Variants in PRKN observed in about 807,000 individuals in gnomAD.
PRKN encodes the protein parkin RBR E3 ubiquitin protein ligase.
In PRKN, 56 loss-of-function variants were observed where a neutral mutation model predicts 59.5. That is an observed-to-expected ratio of 0.94 (90% confidence interval 0.76 to 1.18). The LOEUF (loss-of-function observed/expected upper bound fraction) is 1.18, where lower values mean the gene tolerates loss of function less well. Among genes scored for constraint, PRKN ranks in the 50% most tolerant of loss-of-function variants. The pLI is 0.00. For missense variants in PRKN, 657 were observed against 596.4 expected, an observed-to-expected ratio of 1.10 and a Z score of -1.06; for synonymous variants, 250 against 222.1, an observed-to-expected ratio of 1.13 and a Z score of -1.12.
At chr6:162,499,097 G>A (rs1285004815) in intron 1 of PRKN, among the ~76,000 whole-genome samples, 1 of 152,120 alleles carries the variant, frequency 6.6e-6, no homozygotes, top group Non-Finnish European at 1.5e-5. Flanking sequence ...TCTTCTGCGG[G>A]ATACGTAAGT....
chr6:162,684,998 A>G (rs779014190), intron 1 of PRKN, among the ~76,000 whole-genome samples: 1 of 152,186 alleles, frequency 6.6e-6, no homozygotes, highest in African/African-American at 2.4e-5. Context: ...GAAAATTTGT[A>G]ATTTATATAT....
chr6:161,423,817 T>A lies in PRKN; in HGVS notation c.1084-36940A>T, dbSNP rs748625670. 6.6e-6 allele frequency among the ~76,000 whole-genome samples: 1 copy of A among 152,206 alleles called. No individual in the cohort carries two copies. The highest frequency in any genetic ancestry group is 1.5e-5 in the Non-Finnish European group (1 of 68,038). Reference sequence around the variant, plus strand: ...AGGGGACTCTGCCTAGGTCTCATCATTGTGTATGAATTGACAGAACAGTGC... The same window carrying A: ...AGGGGACTCTGCCTAGGTCTCATCAATGTGTATGAATTGACAGAACAGTGC... On this transcript the variant is annotated intron_variant, in intron 9 of 11. Transcript: ENST00000366898. The surrounding 1 kb of genome is among the most constrained non-coding windows in gnomAD (Gnocchi z 5.9).
chr6:162,528,914 G>A (rs1329551327), intron 1 of PRKN, among the ~76,000 whole-genome samples: 1 of 152,100 alleles, frequency 6.6e-6, no homozygotes, highest in African/African-American at 2.4e-5. Context: ...GTCTTGATGT[G>A]TCGCCCAGGC....
rs535656136 is a variant in PRKN at position 161,853,851 on chromosome 6, C to T, written c.735-67943G>A. Among the ~76,000 whole-genome samples the T allele has an allele frequency of 2.6e-5, 4 of 152,280 alleles. No individual in the cohort carries two copies. In the South Asian group the frequency reaches 6.2e-4, roughly 24 times the overall value. ...AAGAATTTCCCACAGACATTACTAA[C>T]CCATCATGCCCATTCAGTGCACACA... On this transcript the variant is annotated intron_variant, in intron 6 of 11. Coordinates refer to ENST00000366898, the MANE Select transcript of PRKN (RefSeq NM_004562.3).
chr6:162,331,152 A>G (rs1302702150), intron 2 of PRKN, among the ~76,000 whole-genome samples: 2 of 146,512 alleles, frequency 1.4e-5, no homozygotes, highest in Non-Finnish European at 3.0e-5. Context: ...AACGTGGTGA[A>G]ACCCCATCTC....
At chr6:161,791,371 T>C (rs1231348878) in intron 6 of PRKN, among the ~76,000 whole-genome samples, 1 of 152,246 alleles carries the variant, frequency 6.6e-6, no homozygotes, top group East Asian at 1.9e-4. Flanking sequence ...ATTTAAATTC[T>C]TGTAAAGTTA....
intron 7 of PRKN, among the ~76,000 whole-genome samples, chr6:161,627,611 C>T (rs901641001): frequency 1.3e-5 from 2 of 152,324 alleles, no homozygotes; most frequent in South Asian, 4.1e-4. Context: ...GGAACCCACA[C>T]CAAAAGACGT....
intron 1 of PRKN, among the ~76,000 whole-genome samples, chr6:162,516,080 T>TC (rs930035391): frequency 1.1e-4 from 16 of 152,290 alleles, no homozygotes; most frequent in African/African-American, 3.8e-4. Flanking sequence ...AGGGCAGCCC[T>TC]CCCTCCCAGT....
chr6:162,616,540 G>A (rs553326849), intron 1 of PRKN, among the ~76,000 whole-genome samples: 5 of 151,984 alleles, frequency 3.3e-5, no homozygotes, highest in African/African-American at 7.3e-5. Context: ...ATACCCCCCC[G>A]TAATATAACT....
intron 7 of PRKN, among the ~76,000 whole-genome samples, chr6:161,704,021 A>C (rs893059258): frequency 6.6e-6 from 1 of 151,624 alleles, no homozygotes; most frequent in Non-Finnish European, 1.5e-5. Flanking sequence ...ACACCTGGCT[A>C]ATTTTTGTGT....
rs1377862879 is a variant in PRKN, at chr6:161,549,907, C to T, written c.934-904G>A. ...TCCACAGCACTGTAACAGTCAATAC[C>T]GAGAGGTTAGAATGTCTAGGATTTC... On this transcript the variant is annotated intron_variant, in intron 8 of 11. Coordinates refer to ENST00000366898, the MANE Select transcript of PRKN (RefSeq NM_004562.3). This position sits in a 1 kb window ranked among gnomAD's most constrained non-coding sequence, Gnocchi z 6.0. Among the ~76,000 whole-genome samples, 1 of 152,012 alleles carries T rather than the reference C, an allele frequency of 6.6e-6. No individual in the cohort carries two copies. The highest frequency in any genetic ancestry group is 1.5e-5 in the Non-Finnish European group (1 of 67,998).
At chr6:162,696,871 G>A (rs1006920423) in intron 1 of PRKN, among the ~76,000 whole-genome samples, 1 of 152,038 alleles carries the variant, frequency 6.6e-6, no homozygotes, top group Non-Finnish European at 1.5e-5. Context: ...AAAACAAATT[G>A]TTAACAAATC....
chr6:161,714,403 G>A lies in PRKN; in HGVS notation c.871+71369C>T, dbSNP rs184319470. 1.9e-3 allele frequency among the ~76,000 whole-genome samples: 282 copies of A among 152,236 alleles called. 4 individuals carry two copies. The highest frequency in any genetic ancestry group is 6.5e-3 in the African/African-American group (270 of 41,544). On this transcript the variant is annotated intron_variant, in intron 7 of 11. Transcript: ENST00000366898. ...ATACTTATAAAAGAGGCTTTACTCC[G>A]CATTAGGCTCTCTTGCCTTTTGCCA...
chr6:161,845,022 G>A (rs972377601), intron 6 of PRKN, among the ~76,000 whole-genome samples: 6 of 152,192 alleles, frequency 3.9e-5, no homozygotes, highest in East Asian at 1.9e-4. Context: ...GTAAATGAGC[G>A]GGACAGAGGC....
chr6:162,647,417 AT>A (rs1315483508), intron 1 of PRKN, among the ~76,000 whole-genome samples: 2 of 152,086 alleles, frequency 1.3e-5, no homozygotes, highest in Non-Finnish European at 2.9e-5. Flanking sequence ...CACTCATTTT[AT>A]TTGGGTATTT....
chr6:162,347,509 A>G (rs1407414227), intron 2 of PRKN, among the ~76,000 whole-genome samples: 2 of 152,182 alleles, frequency 1.3e-5, no homozygotes, highest in African/African-American at 4.8e-5. Context: ...GGTATAAGAA[A>G]TTAATCTTTG....
chr6:161,992,227 C>T (rs1279707019), intron 5 of PRKN, among the ~76,000 whole-genome samples: 3 of 151,936 alleles, frequency 2.0e-5, no homozygotes, highest in Non-Finnish European at 4.4e-5. Flanking sequence ...GTAATCCCAG[C>T]TACTAGGGGG....
intron 5 of PRKN, among the ~76,000 whole-genome samples, chr6:161,988,860 T>C (rs575585903): frequency 6.6e-6 from 1 of 152,372 alleles, no homozygotes; most frequent in South Asian, 2.1e-4. Context: ...ACATGTTTGG[T>C]AAGTTACTTA....
rs542554189 is a variant in PRKN at position 162,551,737 on chromosome 6, G to T, written c.8-108264C>A. 4.0e-4 allele frequency among the ~76,000 whole-genome samples: 61 copies of T among 152,278 alleles called. No individual in the cohort carries two copies. In the South Asian group the frequency reaches 5.8e-3, roughly 14 times the overall value. ...TCATCGTTGTAACATGTATTTGTGAGCTACTTGAAGAAACAGACCATTTCT... is the reference window on the plus strand; with the variant it reads ...TCATCGTTGTAACATGTATTTGTGATCTACTTGAAGAAACAGACCATTTCT... On this transcript the variant is annotated intron_variant, in intron 1 of 11. Coordinates refer to ENST00000366898, the MANE Select transcript of PRKN (RefSeq NM_004562.3).
Sources: allele counts gnomAD v4.1 joint callset (sites outside exome capture counted in the v4.1 genomes callset), GRCh38; gene constraint gnomAD v4.1.1; non-coding constraint Gnocchi (gnomAD v3.1); transcripts MANE v1.5; gene names NCBI Gene and HGNC (gene_info 2026-07-23, HGNC 2026-07-21).